Variants in SLC38A6 observed in about 807,000 individuals in gnomAD.
SLC38A6 encodes N system amino acid transporter NAT-1.
SLC38A6 carries 73 observed loss-of-function variants against 65.0 expected under a neutral mutation model. The observed-to-expected ratio is 1.12, with a 90% CI of 0.93 to 1.37. SLC38A6 has a LOEUF of 1.37. Among genes scored for constraint, SLC38A6 ranks in the 40% most tolerant of loss-of-function variants. The pLI is 0.00. For missense variants in SLC38A6, 561 were observed against 531.1 expected (o/e 1.06, Z -0.55); for synonymous variants, 183 against 178.8 (o/e 1.02, Z -0.19).
rs2039971558 is a variant in SLC38A6 at position 61,015,849 on chromosome 14, A to T, written c.311-55A>T. 2.8e-6 allele frequency: 4 copies of T among 1,404,196 alleles called. No individual in the cohort carries two copies. In the Admixed American group the frequency reaches 5.8e-5, roughly 20 times the overall value. 87.0% of individuals were successfully genotyped at this position (1,404,196 alleles called of 1,614,324 possible). A position where few individuals can be genotyped will look rare whatever the true frequency, so the allele number is the denominator to read the frequency against. On this transcript the variant is annotated intron_variant, in intron 3 of 15. Coordinates refer to ENST00000267488, the MANE Select transcript of SLC38A6 (RefSeq NM_153811.3). Reference sequence around the variant, plus strand: ...AGTAGGACCTGCTCTTCTCTTTAGGACCTGACACATAAATAGTTTTGTGTA... The same window carrying T: ...AGTAGGACCTGCTCTTCTCTTTAGGTCCTGACACATAAATAGTTTTGTGTA...
intron 10 of SLC38A6, among the ~76,000 whole-genome samples, chr14:61,044,969 A>G (rs754518228): frequency 5.3e-5 from 8 of 152,200 alleles, no homozygotes; most frequent in Non-Finnish European, 1.2e-4. Flanking sequence ...GCGTACATTT[A>G]GAAGACAGAG....
intron 8 of SLC38A6, among the ~76,000 whole-genome samples, chr14:61,040,062 T>G (rs80279224): frequency 6.6e-6 from 1 of 152,242 alleles, no homozygotes; most frequent in Non-Finnish European, 1.5e-5. Context: ...ACTTTTTTTT[T>G]GGTGTATTTT....
At chr14:61,073,135 A>T (rs2043286208) in intron 15 of SLC38A6, among the ~76,000 whole-genome samples, 1 of 152,164 alleles carries the variant, frequency 6.6e-6, no homozygotes, top group African/African-American at 2.4e-5. Flanking sequence ...ATGATCAGTG[A>T]TGTTGAGCAC....
intron 3 of SLC38A6, chr14:60,987,096 C>T (rs894091579): frequency 2.5e-6 from 1 of 403,354 alleles, no homozygotes. Context: ...TCTGCCTGCA[C>T]ATTGACTCAC....
intron 3 of SLC38A6, among the ~76,000 whole-genome samples, chr14:61,002,986 A>T (rs1378651670): frequency 6.6e-6 from 1 of 152,078 alleles, no homozygotes; most frequent in Non-Finnish European, 1.5e-5. Flanking sequence ...GTATCTCTCA[A>T]AACATCTTTC....
Position 61,052,135 on chromosome 14 carries a change from G to A in SLC38A6, c.1290G>A (p.Gly430=). The change falls in exon 15 of 16, where the codon GGG becomes GGA. Residue 430 remains glycine (G), a splice_region_variant and synonymous_variant. Coordinates refer to ENST00000267488, the MANE Select transcript of SLC38A6 (RefSeq NM_153811.3). ...REDFLSWKKL[G]AFVLLIFGIL... The stretch of plus-strand genomic sequence containing the variant: ...ATTTTCTGTCATGGAAAAAGCTTGG[G>A]GTAGGTTGTTTTTGTTTCTTTCTTT... 1 of 1,547,530 alleles carries A rather than the reference G, an allele frequency of 6.5e-7. No homozygotes were observed. Among genetic ancestry groups the A allele is most frequent in the Non-Finnish European group, 8.6e-7 (1 of 1,158,210 alleles).
rs2043469742 is a variant in SLC38A6 at position 61,077,638 on chromosome 14, A to G, written c.1291-1172A>G. On this transcript the variant is annotated intron_variant, in intron 15 of 16. Transcript: ENST00000354886. ...CCTTGTCTTTGTCTAAAGATTTGTC[A>G]TTCATTTGCATTCAAATAAATTCTT... Among the ~76,000 whole-genome samples the G allele has an allele frequency of 1.3e-5, 2 of 152,080 alleles. 1 individual carries two copies. The highest frequency in any genetic ancestry group is 4.1e-4 in the South Asian group (2 of 4,828).
chr14:61,011,063 C>T (rs950081926), intron 3 of SLC38A6, among the ~76,000 whole-genome samples: 1 of 152,078 alleles, frequency 6.6e-6, no homozygotes, highest in Non-Finnish European at 1.5e-5. Flanking sequence ...TTTCATTGAG[C>T]AGTGGTTTGT....
At chr14:61,005,236 G>A (rs1166365026) in intron 3 of SLC38A6, among the ~76,000 whole-genome samples, 1 of 151,400 alleles carries the variant, frequency 6.6e-6, no homozygotes, top group South Asian at 2.1e-4. Flanking sequence ...TACTGAATGG[G>A]CAAAAACTGG....
chr14:61,016,341 A>G (rs1458942551), intron 4 of SLC38A6, among the ~76,000 whole-genome samples: 1 of 152,214 alleles, frequency 6.6e-6, no homozygotes, highest in Non-Finnish European at 1.5e-5. Context: ...TAGCATGGCT[A>G]TTTACAAAAC....
At chr14:61,012,247 T>G (rs888551780) in intron 3 of SLC38A6, among the ~76,000 whole-genome samples, 5 of 152,222 alleles carry the variant, frequency 3.3e-5, no homozygotes, top group African/African-American at 1.2e-4. Context: ...TATCATTTTT[T>G]ATTGCATCTA....
Position 61,052,415 on chromosome 14 carries a change from T to C in SLC38A6, c.1357T>C (p.Trp453Arg), listed in dbSNP as rs1447682241. 7 of 1,566,428 alleles carry C rather than the reference T, an allele frequency of 4.5e-6. No homozygotes were observed. In the East Asian group the frequency reaches 1.7e-4, roughly 37 times the overall value. Residue 453 changes from tryptophan (W) to arginine (R), a missense_variant, in exon 16 of 16, where the codon TGG becomes CGG. Physicochemically the swap from Trp to Arg is moderately radical, Grantham distance 101 (BLOSUM62 -3). Coordinates refer to ENST00000267488, the MANE Select transcript of SLC38A6 (RefSeq NM_153811.3). ...NFSLALIIFDWINK is the reference protein window; with the variant it reads ...NFSLALIIFDRINK ...TAGTTTAGCACTCATCATTTTTGAT[T>C]GGATTAATAAATAAAAGAAATATTT...
At chr14:61,029,013 T>C (rs1198107692) in intron 5 of SLC38A6, among the ~76,000 whole-genome samples, 1 of 152,172 alleles carries the variant, frequency 6.6e-6, no homozygotes, top group Non-Finnish European at 1.5e-5. Flanking sequence ...TTTTAATCAA[T>C]TTTTCCCCAG....
In SLC38A6 at chr14:60,981,258, G is replaced by C. The variant is rs2036985281; in HGVS notation, c.-20G>C. On this transcript the variant is annotated 5_prime_UTR_variant, in exon 1 of 16. Coordinates refer to ENST00000267488, the MANE Select transcript of SLC38A6 (RefSeq NM_153811.3). Reference sequence around the variant, plus strand: ...GGGTAGAGGCTCGTAGATGGAACTGGTAGTCAGCTGGAGAGCAGCATGGAG... The same window carrying C: ...GGGTAGAGGCTCGTAGATGGAACTGCTAGTCAGCTGGAGAGCAGCATGGAG... 6.3e-7 allele frequency: 1 copy of C among 1,584,164 alleles called. No individual in the cohort carries two copies. The highest frequency in any genetic ancestry group is 8.6e-7 in the Non-Finnish European group (1 of 1,165,246).
At chr14:60,992,089 C>A (rs1222291429) in intron 3 of SLC38A6, among the ~76,000 whole-genome samples, 3 of 152,180 alleles carry the variant, frequency 2.0e-5, no homozygotes, top group African/African-American at 7.2e-5. Context: ...AGTCTCTACC[C>A]CACCAGGGTT....
chr14:60,981,465 G>A (rs1180132550), intron 1 of SLC38A6, 83 bp downstream of exon 1: 2 of 1,542,464 alleles, frequency 1.3e-6, no homozygotes, highest in East Asian at 2.4e-5. Context: ...AGAAAAGGAG[G>A]ACCGCACCGG....
chr14:60,995,525 T>A (rs764491776), intron 3 of SLC38A6, among the ~76,000 whole-genome samples: 7 of 152,170 alleles, frequency 4.6e-5, no homozygotes, highest in Non-Finnish European at 8.8e-5. Context: ...ACAGAGCTAA[T>A]GTACAGCATG....
intron 1 of SLC38A6, 117 bp from the exon 2 acceptor site, chr14:60,982,391 A>G (rs1293590839): frequency 3.0e-6 from 4 of 1,352,790 alleles, no homozygotes; most frequent in African/African-American, 1.4e-5. Context: ...CGAGTGTGTC[A>G]TACAAACCCT....
intron 3 of SLC38A6, among the ~76,000 whole-genome samples, chr14:60,988,503 A>G (rs191951344): frequency 5.8e-4 from 89 of 152,210 alleles, no homozygotes; most frequent in Middle Eastern, 3.4e-3. Flanking sequence ...CTTCTTCTCT[A>G]ATGATCATAT....
Sources: allele counts gnomAD v4.1 joint callset (sites outside exome capture counted in the v4.1 genomes callset), GRCh38; gene constraint gnomAD v4.1.1; transcripts MANE v1.5; gene names NCBI Gene and HGNC (gene_info 2026-07-23, HGNC 2026-07-21).